Variants in COA7 observed in about 807,000 individuals in gnomAD.
COA7 encodes the protein Sel1 repeat containing 1.
Under a neutral mutation model 21.0 loss-of-function variants are expected in COA7, and 12 were observed. The ratio of observed to expected loss-of-function variants is 0.57; its 90% confidence interval spans 0.37 to 0.92. The LOEUF is 0.92. Ranked by LOEUF, COA7 falls within the 40% of genes least tolerant of loss-of-function variation. COA7 has a pLI of 0.01. For synonymous variants in COA7, 95 were observed against 107.4 expected (o/e 0.88, Z 0.72); for missense variants, 240 against 286.1 (o/e 0.84, Z 1.16).
intron 1 of COA7, among the ~76,000 whole-genome samples, chr1:52,696,870 G>T (rs1200316729): frequency 6.6e-6 from 1 of 152,014 alleles, no homozygotes; most frequent in Non-Finnish European, 1.5e-5. Flanking sequence ...AGCACTTTGG[G>T]AGGCCAAGGC....
chr1:52,685,180 G>A lies in COA7; in HGVS notation c.*2540C>T, dbSNP rs1643992268. 2 of 152,184 alleles carry A rather than the reference G, an allele frequency of 1.3e-5. No individual in the cohort carries two copies. Among genetic ancestry groups the A allele is most frequent in the Admixed American group, 1.3e-4 (2 of 15,264 alleles). 9.4% of individuals were successfully genotyped at this position (152,184 alleles called of 1,614,324 possible). A position where few individuals can be genotyped will look rare whatever the true frequency, so the allele number is the denominator to read the frequency against. On this transcript the variant is annotated 3_prime_UTR_variant, in exon 3 of 3. Transcript: ENST00000371538. ...CATGGTAAGAGCTTACCTAGTTTTT[G>A]TAAGAAACTGCTTAACTGTCTTCCA...
rs1001045285 is a variant in COA7 at position 52,692,747 on chromosome 1, GC to G, written c.226del (p.Ala76ProfsTer4). Reference sequence around the variant, plus strand: ...CTTACCTTTTCCAGTCACATAGTAGGCCCCCAGTTTGTAGCAGCTATCACTG... The same window carrying G: ...CTTACCTTTTCCAGTCACATAGTAGGCCCCAGTTTGTAGCAGCTATCACTG... The part of the protein sequence containing the change: ...QHSDSCYKLG[A>X]YYVTGKGGLT... On this transcript the variant is annotated frameshift_variant, in exon 2 of 3. Coordinates refer to ENST00000371538, the MANE Select transcript of COA7 (RefSeq NM_023077.3). LOFTEE classifies it high-confidence loss of function. The G allele has an allele frequency of 1.9e-6, 3 of 1,613,978 alleles. No homozygotes were observed. In the African/African-American group the frequency reaches 4.0e-5, roughly 22 times the overall value.
At chr1:52,692,930 G>A in intron 1 of COA7, 63 bp from the exon 2 acceptor site, 1 of 1,585,704 alleles carries the variant, frequency 6.3e-7, no homozygotes, top group Non-Finnish European at 8.6e-7. Flanking sequence ...TGGGGACTTG[G>A]GGGTAGGGGG....
At chr1:52,694,043 A>G (rs796535407) in intron 1 of COA7, among the ~76,000 whole-genome samples, 15 of 152,362 alleles carry the variant, frequency 9.8e-5, no homozygotes, top group African/African-American at 3.4e-4. Context: ...GTCCTCACTT[A>G]TAAGTGGGAG....
Position 52,698,221 on chromosome 1 carries a change from C to A in COA7, c.106G>T (p.Gly36Cys), listed in dbSNP as rs1465845821. Residue 36 changes from glycine (G) to cysteine (C), a missense_variant and splice_region_variant, in exon 1 of 3, where the codon GGT (glycine) becomes TGT (cysteine). Gly to Cys is a radical substitution (Grantham distance 159). Around this residue, in one of 3 missense-constraint regions of COA7, gnomAD observed 71 missense variants for 54.7 expected, o/e 1.30. Transcript: ENST00000371538. ...YHCYHEKDPDGCYRLVDYLEG... is the reference protein window; with the variant it reads ...YHCYHEKDPDCCYRLVDYLEG... Reference sequence around the variant, plus strand: ...GCCGGGCTGCGCTGGAGCCGCTCACCGTCCGGGTCCTTCTCGTGGTAGCAG... The same window carrying A: ...GCCGGGCTGCGCTGGAGCCGCTCACAGTCCGGGTCCTTCTCGTGGTAGCAG... 1 of 1,607,412 alleles carries A rather than the reference C, an allele frequency of 6.2e-7. No homozygotes were observed. Among genetic ancestry groups the A allele is most frequent in the Admixed American group, 1.7e-5 (1 of 59,976 alleles).
At chr1:52,691,406 C>T (rs1644045426) in intron 2 of COA7, among the ~76,000 whole-genome samples, 2 of 149,100 alleles carry the variant, frequency 1.3e-5, no homozygotes, top group Admixed American at 1.3e-4. Context: ...AGAACAAGAT[C>T]CTGTCACAAA....
chr1:52,698,337 G>T lies in COA7; in HGVS notation c.-11C>A, dbSNP rs753816508. ...CACCATGCCGGCCATGGTTCGCGCC[G>T]GCCCAAAGACGGTCACGTGAGCCGG... On this transcript the variant is annotated 5_prime_UTR_variant, in exon 1 of 3. Transcript: ENST00000371538. 2 of 1,603,874 alleles carry T rather than the reference G, an allele frequency of 1.2e-6. No homozygotes were observed. The highest frequency in any genetic ancestry group is 1.7e-5 in the Admixed American group (1 of 59,966).
At position 52,685,244 on chromosome 1, in the gene COA7, TAA is replaced by T. The variant is rs1001852248; in HGVS notation, c.*2474_*2475del. On this transcript the variant is annotated 3_prime_UTR_variant, in exon 3 of 3. Coordinates refer to ENST00000371538, the MANE Select transcript of COA7 (RefSeq NM_023077.3). Reference sequence around the variant, plus strand: ...ATCTTGCGTTCCCACCAGCAAGGAATAAGAGTTCTGGTTGCTCCAACTTTCCC... The same window carrying T: ...ATCTTGCGTTCCCACCAGCAAGGAATGAGTTCTGGTTGCTCCAACTTTCCC... 1.3e-5 allele frequency: 2 copies of T among 152,226 alleles called. No homozygotes were observed. The highest frequency in any genetic ancestry group is 1.3e-4 in the Admixed American group (2 of 15,274). 9.4% of individuals were successfully genotyped at this position (152,226 alleles called of 1,614,324 possible). A position where few individuals can be genotyped will look rare whatever the true frequency, so the allele number is the denominator to read the frequency against.
At position 52,686,400 on chromosome 1, in the gene COA7, T is replaced by G. The variant is rs1644003599; in HGVS notation, c.*1320A>C. On this transcript the variant is annotated 3_prime_UTR_variant, in exon 3 of 3. Transcript: ENST00000371538. ...AATGGTATTGTTACCAGCAGGGAAATGGCAAGCTCGCCCCCTGGTGACAAG... is the reference window on the plus strand; with the variant it reads ...AATGGTATTGTTACCAGCAGGGAAAGGGCAAGCTCGCCCCCTGGTGACAAG... The G allele has an allele frequency of 6.6e-6, 1 of 151,742 alleles. No homozygotes were observed. The highest frequency in any genetic ancestry group is 2.1e-4 in the South Asian group (1 of 4,812). 9.4% of individuals were successfully genotyped at this position (151,742 alleles called of 1,614,324 possible). A position where few individuals can be genotyped will look rare whatever the true frequency, so the allele number is the denominator to read the frequency against.
chr1:52,687,628 A>C lies in COA7; in HGVS notation c.*92T>G. ...TTCAAGTCCCAAGTTTTTTTGCTCC[A>C]GCAGGTTGACCTTCAAGGGCTGCAT... On this transcript the variant is annotated 3_prime_UTR_variant, in exon 3 of 3. Transcript: ENST00000371538. 1 of 1,298,804 alleles carries C rather than the reference A, an allele frequency of 7.7e-7. No individual in the cohort carries two copies. Among genetic ancestry groups the C allele is most frequent in the African/African-American group, 1.5e-5 (1 of 67,932 alleles). 80.5% of individuals were successfully genotyped at this position (1,298,804 alleles called of 1,614,324 possible). A position where few individuals can be genotyped will look rare whatever the true frequency, so the allele number is the denominator to read the frequency against.
At chr1:52,689,869 C>CA (rs1057329756) in intron 2 of COA7, among the ~76,000 whole-genome samples, 5 of 151,350 alleles carry the variant, frequency 3.3e-5, no homozygotes, top group African/African-American at 7.3e-5. Flanking sequence ...ACTAAAAATA[C>CA]AAAAAAAATG....
intron 2 of COA7, among the ~76,000 whole-genome samples, chr1:52,692,130 G>T (rs543369718): frequency 6.6e-6 from 1 of 152,338 alleles, no homozygotes; most frequent in African/African-American, 2.4e-5. Context: ...TCCAACTTCA[G>T]TCAAGCCTTC....
chr1:52,688,437 A>G (rs1228277447), intron 2 of COA7, among the ~76,000 whole-genome samples: 2 of 152,070 alleles, frequency 1.3e-5, no homozygotes, highest in Non-Finnish European at 2.9e-5. Flanking sequence ...TTGTAGAGAA[A>G]GGATCTCACT....
At chr1:52,689,522 C>G (rs1327100097) in intron 2 of COA7, among the ~76,000 whole-genome samples, 1 of 151,852 alleles carries the variant, frequency 6.6e-6, no homozygotes, top group East Asian at 1.9e-4. Flanking sequence ...ATATATGGCC[C>G]AAGACAACTC....
chr1:52,697,957 G>A (rs1644096498), intron 1 of COA7: 1 of 454,174 alleles, frequency 2.2e-6, no homozygotes, highest in African/African-American at 2.0e-5. Context: ...GCTCCACGAG[G>A]GCAGGGAGTT....
chr1:52,694,287 C>T (rs1644068280), intron 1 of COA7, among the ~76,000 whole-genome samples: 1 of 152,060 alleles, frequency 6.6e-6, no homozygotes, highest in African/African-American at 2.4e-5. Flanking sequence ...TGAGAAACCT[C>T]GTCTCTACTA....
At position 52,692,794 on chromosome 1, in the gene COA7, A is replaced by C. The variant is rs139564439; in HGVS notation, c.180T>G (p.Phe60Leu). Reference sequence around the variant, plus strand: ...CACTGTGCTGGTTCTCTTCACAGTTAAACTTCAACACCTTGGCAGCCTCAT... The same window carrying C: ...CACTGTGCTGGTTCTCTTCACAGTTCAACTTCAACACCTTGGCAGCCTCAT... ...NFDEAAKVLK[F>L]NCEENQHSDS... The change falls in exon 2 of 3, where the codon TTT (phenylalanine) becomes TTG (leucine). Residue 60 changes from phenylalanine to leucine, a missense_variant. Transcript: ENST00000371538. 4.5e-5 allele frequency: 73 copies of C among 1,614,014 alleles called. No homozygotes were observed. Among genetic ancestry groups the C allele is most frequent in the Admixed American group, 2.8e-4 (17 of 59,990 alleles).
Position 52,687,003 on chromosome 1 carries a change from T to C in COA7, c.*717A>G, listed in dbSNP as rs142821460. The C allele has an allele frequency of 6.6e-6, 1 of 152,366 alleles. No homozygotes were observed. The highest frequency in any genetic ancestry group is 1.9e-4 in the East Asian group (1 of 5,182). The allele number at this position is 152,366 out of a possible 1,614,324, so 9.4% of individuals were successfully genotyped here. On this transcript the variant is annotated 3_prime_UTR_variant, in exon 3 of 3. Transcript: ENST00000371538. ...TGCCAGGCGACTACACTGGAGGTGC[T>C]AATTTTTAACTGCCAATGTCTCTTC...
At chr1:52,692,463 T>A (rs114085836) in intron 2 of COA7, among the ~76,000 whole-genome samples, 1,654 of 152,242 alleles carry the variant, frequency 0.011, 22 homozygotes, top group African/African-American at 0.032. Context: ...TTCCCTCCAA[T>A]TTACAGGTGA....
Sources: allele counts gnomAD v4.1 joint callset (sites outside exome capture counted in the v4.1 genomes callset), GRCh38; gene constraint gnomAD v4.1.1; regional missense constraint gnomAD v4.1.1; transcripts MANE v1.5; gene names NCBI Gene and HGNC (gene_info 2026-07-23, HGNC 2026-07-21).